The following ARFGAP2 variants were observed in gnomAD, a reference collection of about 807,000 sequenced individuals.
ARFGAP2 encodes ARF GTPase activating protein 2, also known as ADP-ribosylation factor GTPase-activating protein 2.
In ARFGAP2, 45 loss-of-function variants were observed where a neutral mutation model predicts 71.9. The observed-to-expected ratio is 0.63, with a 90% CI of 0.49 to 0.80. The LOEUF is 0.80. Ranked by LOEUF, ARFGAP2 falls within the 30% of genes least tolerant of loss-of-function variation. The pLI is 0.00. For missense variants in ARFGAP2, 633 were observed against 673.9 expected, an observed-to-expected ratio of 0.94 and a Z score of 0.67; for synonymous variants, 248 against 249.2, an observed-to-expected ratio of 1.00 and a Z score of 0.05.
chr11:47,176,667 G>A (rs759459180), intron 1 of ARFGAP2, 33 bp from the exon 2 acceptor site: 7 of 1,612,996 alleles, frequency 4.3e-6, no homozygotes, highest in Admixed American at 1.7e-5. Flanking sequence ...GAATCGTCAG[G>A]GGCCCCGAGT....
chr11:47,169,770 G>A (rs12803718), intron 10 of ARFGAP2, among the ~76,000 whole-genome samples: 50,548 of 152,066 alleles, frequency 0.33, 10,048 homozygotes, highest in Non-Finnish European at 0.43. Flanking sequence ...AGGTTGTGGT[G>A]AGCTGAGATC....
At chr11:47,174,064 C>G in intron 5 of ARFGAP2, 1 of 758,820 alleles carries the variant, frequency 1.3e-6, no homozygotes, top group Non-Finnish European at 2.1e-6. Flanking sequence ...GAGCCAGAGC[C>G]CATTCTCCTA....
chr11:47,166,909 C>CTCG, intron 12 of ARFGAP2, 23 bp from the exon 13 acceptor site: 1 of 1,607,394 alleles, frequency 6.2e-7, no homozygotes, highest in Non-Finnish European at 8.5e-7. Flanking sequence ...TGTGGAATAT[C>CTCG]TCGGACTCCT....
intron 10 of ARFGAP2, among the ~76,000 whole-genome samples, chr11:47,169,854 T>C (rs2135426573): frequency 6.6e-6 from 1 of 152,246 alleles, no homozygotes; most frequent in South Asian, 2.1e-4. Flanking sequence ...GAGTTGGGTT[T>C]AAGTAAACAA....
Position 47,175,893 on chromosome 11 carries a change from C to T in ARFGAP2, c.222G>A (p.Trp74Ter). The T allele has an allele frequency of 6.2e-7, 1 of 1,614,140 alleles. No individual in the cohort carries two copies. Among genetic ancestry groups the T allele is most frequent in the Non-Finnish European group, 8.5e-7 (1 of 1,180,020 alleles). Residue 74 changes from tryptophan (W) to a stop codon, truncating the protein, a stop_gained, in exon 3 of 16, where the codon TGG becomes TGA. Coordinates refer to ENST00000524782, the MANE Select transcript of ARFGAP2 (RefSeq NM_032389.6). LOFTEE classifies it high-confidence loss of function. ...RSTELDSNWNWFQLRCMQVGG... is the reference protein window; with the variant it reads ...RSTELDSNWN ...CGACCTGCATACACCTCAGCTGGAA[C>T]CAGTTCCAGTTGGAATCCAACTCTG...
rs377527444 is a variant in ARFGAP2, at chr11:47,170,048, G to A, written c.941+1378C>T. Among the ~76,000 whole-genome samples, 14 of 152,236 alleles carry A rather than the reference G, an allele frequency of 9.2e-5. No individual in the cohort carries two copies. The East Asian group carries it at 2.3e-3, about 25-fold the overall frequency. On this transcript the variant is annotated intron_variant, in intron 10 of 15. Transcript: ENST00000524782. Reference sequence around the variant, plus strand: ...GCTCACGCCCGTAATCCAAGCACTGGGCGCCGTGGCTCACACCGGTAATCC... The same window carrying A: ...GCTCACGCCCGTAATCCAAGCACTGAGCGCCGTGGCTCACACCGGTAATCC...
At chr11:47,166,996 C>T (rs1590945602) in intron 12 of ARFGAP2, 110 bp from the exon 13 acceptor site, 1 of 1,370,356 alleles carries the variant, frequency 7.3e-7, no homozygotes, top group East Asian at 2.3e-5. Context: ...GTTACCAGGT[C>T]CCATTCTGTC....
chr11:47,176,071 C>A, intron 2 of ARFGAP2, 148 bp from the exon 3 acceptor site: 1 of 707,980 alleles, frequency 1.4e-6, no homozygotes. Flanking sequence ...ACTACCCTGT[C>A]CATGAAAACT....
At chr11:47,175,752 CCCTCTGAACAGGGAAA>C in intron 3 of ARFGAP2, 83 bp downstream of exon 3, 1 of 1,370,052 alleles carries the variant, frequency 7.3e-7, no homozygotes, top group South Asian at 1.2e-5. Context: ...GAACAGAGAA[CCCTCTGAACAGGGAAA>C]ACGACAGGGC....
intron 9 of ARFGAP2, 46 bp downstream of exon 9, chr11:47,171,618 C>G (rs1393934422): frequency 6.2e-7 from 1 of 1,613,860 alleles, no homozygotes; most frequent in Non-Finnish European, 8.5e-7. Context: ...ACATACCCAC[C>G]CACCAAGCCC....
At position 47,168,063 on chromosome 11, in the gene ARFGAP2, GC is replaced by G; in HGVS notation, c.1071-21del. On this transcript the variant is annotated intron_variant, in intron 11 of 15. Coordinates refer to ENST00000524782, the MANE Select transcript of ARFGAP2 (RefSeq NM_032389.6). ...TTGTACCTAGGGAGACAGTAGAGTGGCTCAGAGAAGCCTGATGAGGAACACA... is the reference window on the plus strand; with the variant it reads ...TTGTACCTAGGGAGACAGTAGAGTGGTCAGAGAAGCCTGATGAGGAACACA... The G allele has an allele frequency of 6.2e-7, 1 of 1,614,122 alleles. No homozygotes were observed. The highest frequency in any genetic ancestry group is 8.5e-7 in the Non-Finnish European group (1 of 1,180,018).
intron 7 of ARFGAP2, chr11:47,173,204 G>A: frequency 1.7e-6 from 1 of 596,400 alleles, no homozygotes; most frequent in South Asian, 1.9e-5. Context: ...CAGACCCCAG[G>A]CCTTATACAC....
chr11:47,173,618 T>C, intron 6 of ARFGAP2, 136 bp from the exon 7 acceptor site: 1 of 1,408,300 alleles, frequency 7.1e-7, no homozygotes, highest in South Asian at 1.4e-5. Context: ...TACCACTTCC[T>C]CCAAGGATTA....
intron 10 of ARFGAP2, 142 bp from the exon 11 acceptor site, chr11:47,168,393 C>T (rs1952473913): frequency 8.9e-7 from 1 of 1,119,068 alleles, no homozygotes; most frequent in Non-Finnish European, 1.2e-6. Context: ...CAGGGCTGGG[C>T]CAGACCCCAA....
intron 8 of ARFGAP2, 113 bp downstream of exon 8, chr11:47,172,168 C>T (rs1952626727): frequency 1.8e-6 from 2 of 1,107,052 alleles, no homozygotes; most frequent in Middle Eastern, 2.0e-4. Context: ...TTCGGAGAAA[C>T]ACAGTACCTT....
chr11:47,172,056 C>T (rs776665609), intron 8 of ARFGAP2: 57 of 697,728 alleles, frequency 8.2e-5, no homozygotes, highest in Non-Finnish European at 8.4e-5. Context: ...CCAAGCACTC[C>T]GCCAAGCACT....
In ARFGAP2 at chr11:47,168,250, A is replaced by T; in HGVS notation, c.943T>A (p.Ser315Thr). Reference protein sequence around the residue: ...RLGMGLVSRSSVSHSVLSEMQ... With the variant: ...RLGMGLVSRSTVSHSVLSEMQ... ...TCAGACAGCACGGAGTGGGAGACAGAGCTGCGCAGCAAAGCAGAGCCAGGC... is the reference window on the plus strand; with the variant it reads ...TCAGACAGCACGGAGTGGGAGACAGTGCTGCGCAGCAAAGCAGAGCCAGGC... The change falls in exon 11 of 16, where the codon TCT (serine) becomes ACT (threonine). Residue 315 changes from serine to threonine, a missense_variant and splice_region_variant. Ser to Thr is a moderately conservative substitution (Grantham distance 58). Transcript: ENST00000524782. The T allele has an allele frequency of 6.2e-7, 1 of 1,614,064 alleles. No individual in the cohort carries two copies. The highest frequency in any genetic ancestry group is 8.5e-7 in the Non-Finnish European group (1 of 1,180,022).
Position 47,165,517 on chromosome 11 carries a change from G to A in ARFGAP2, c.1546-15C>T. The A allele has an allele frequency of 3.3e-6, 5 of 1,518,236 alleles. No individual in the cohort carries two copies. The highest frequency in any genetic ancestry group is 2.1e-5 in the Admixed American group (1 of 47,338). The allele number at this position is 1,518,236 out of a possible 1,614,324, so 94.0% of individuals were successfully genotyped here. ...CCGTAGCGATCCTGGGGGCGAGGGG[G>A]GAGAAAAAAAAAAAAAAAGTCAGAG... On this transcript the variant is annotated splice_polypyrimidine_tract_variant and intron_variant, in intron 15 of 15. Coordinates refer to ENST00000524782, the MANE Select transcript of ARFGAP2 (RefSeq NM_032389.6).
At chr11:47,176,378 G>A in intron 2 of ARFGAP2, 138 bp downstream of exon 2, 2 of 829,492 alleles carry the variant, frequency 2.4e-6, no homozygotes, top group Non-Finnish European at 3.9e-6. Flanking sequence ...CCCTCTGGCA[G>A]GAGGCTACCG....
Sources: allele counts gnomAD v4.1 joint callset (sites outside exome capture counted in the v4.1 genomes callset), GRCh38; gene constraint gnomAD v4.1.1; transcripts MANE v1.5; gene names NCBI Gene and HGNC (gene_info 2026-07-23, HGNC 2026-07-21).